Variants in ACOXL observed in about 807,000 individuals in gnomAD.
ACOXL encodes acyl-CoA oxidase like, also known as acyl-coenzyme A oxidase-like protein.
ACOXL carries 70 observed loss-of-function variants against 71.9 expected under a neutral mutation model. That is an observed-to-expected ratio of 0.97 (90% CI 0.80 to 1.19). ACOXL has a LOEUF of 1.19. Ranked by LOEUF, ACOXL falls within the 50% of genes most tolerant of loss-of-function variation. ACOXL has a pLI of 0.00. For missense variants in ACOXL, 703 were observed against 736.3 expected (o/e 0.95, Z 0.52); for synonymous variants, 253 against 281.6 (o/e 0.90, Z 1.02).
chr2:110,815,253 A>C (rs1270429473), intron 9 of ACOXL, among the ~76,000 whole-genome samples: 1 of 152,182 alleles, frequency 6.6e-6, no homozygotes, highest in African/African-American at 2.4e-5. Flanking sequence ...ATTACTTCCC[A>C]ATGTGTCCCT....
intron 1 of ACOXL, among the ~76,000 whole-genome samples, chr2:110,762,724 C>T (rs764585241): frequency 4.6e-5 from 7 of 152,052 alleles, no homozygotes; most frequent in Non-Finnish European, 8.8e-5. Flanking sequence ...GGTGTGATCT[C>T]GCCTCACTGC....
intron 10 of ACOXL, chr2:110,886,708 A>C (rs1268853498): frequency 6.5e-7 from 1 of 1,540,248 alleles, no homozygotes; most frequent in Non-Finnish European, 8.8e-7. Context: ...GCCAAGTTTC[A>C]CCCTTTGACT....
At chr2:110,971,840 A>G (rs1162283358) in intron 12 of ACOXL, among the ~76,000 whole-genome samples, 1 of 152,252 alleles carries the variant, frequency 6.6e-6, no homozygotes, top group Non-Finnish European at 1.5e-5. Flanking sequence ...TCAGTAATTC[A>G]GACATTACAT....
At chr2:111,078,906 C>T (rs1460837306) in intron 16 of ACOXL, among the ~76,000 whole-genome samples, 2 of 152,154 alleles carry the variant, frequency 1.3e-5, no homozygotes, top group Non-Finnish European at 2.9e-5. Context: ...TTTCAATGCA[C>T]CTTCTGTTGA....
At chr2:111,076,319 C>T (rs2067598436) in intron 16 of ACOXL, among the ~76,000 whole-genome samples, 1 of 152,110 alleles carries the variant, frequency 6.6e-6, no homozygotes, top group Admixed American at 6.6e-5. Flanking sequence ...CTTCTTGTTT[C>T]ATTAGCCTTT....
At chr2:110,836,064 C>G (rs1454446755) in intron 9 of ACOXL, among the ~76,000 whole-genome samples, 1 of 152,210 alleles carries the variant, frequency 6.6e-6, no homozygotes, top group African/African-American at 2.4e-5. Flanking sequence ...GCAGAAGTAG[C>G]AAGTACCTAA....
intron 13 of ACOXL, among the ~76,000 whole-genome samples, chr2:110,988,833 G>C (rs1439399603): frequency 1.4e-5 from 2 of 144,692 alleles, no homozygotes; most frequent in African/African-American, 5.1e-5. Context: ...TAAAATGCCT[G>C]TTCATGTTTT....
At chr2:111,043,718 G>A (rs746993071) in intron 15 of ACOXL, among the ~76,000 whole-genome samples, 10 of 152,150 alleles carry the variant, frequency 6.6e-5, no homozygotes, top group African/African-American at 1.2e-4. Flanking sequence ...AAGGGAGGTC[G>A]CTGCCTCTAG....
intron 9 of ACOXL, among the ~76,000 whole-genome samples, chr2:110,809,718 C>T (rs1687084443): frequency 6.6e-6 from 1 of 152,108 alleles, no homozygotes; most frequent in South Asian, 2.1e-4. Context: ...CTTTTGTGAC[C>T]TTCTGACTGC....
intron 1 of ACOXL, among the ~76,000 whole-genome samples, chr2:110,768,056 C>T (rs941566167): frequency 1.2e-4 from 19 of 152,136 alleles, no homozygotes; most frequent in South Asian, 6.2e-4. Context: ...CGCTTGAACC[C>T]GGGAGGCGGA....
chr2:110,742,354 A>C (rs1201358096), intron 1 of ACOXL, among the ~76,000 whole-genome samples: 3 of 152,200 alleles, frequency 2.0e-5, no homozygotes, highest in Non-Finnish European at 4.4e-5. Flanking sequence ...CTCAACCTTA[A>C]ATGAATAATT....
chr2:111,043,420 GA>G (rs1319327449), intron 15 of ACOXL, among the ~76,000 whole-genome samples: 6 of 152,170 alleles, frequency 3.9e-5, no homozygotes, highest in Non-Finnish European at 5.9e-5. Context: ...GTTGTGTTAT[GA>G]AAAAGAGGTG....
intron 16 of ACOXL, among the ~76,000 whole-genome samples, chr2:111,051,478 T>A (rs1335412785): frequency 6.6e-6 from 1 of 152,172 alleles, no homozygotes; most frequent in African/African-American, 2.4e-5. Flanking sequence ...ATATGATATA[T>A]ATTTTTTTGA....
At chr2:110,801,040 C>T (rs1018643315) in intron 7 of ACOXL, among the ~76,000 whole-genome samples, 3 of 152,182 alleles carry the variant, frequency 2.0e-5, no homozygotes, top group Non-Finnish European at 2.9e-5. Flanking sequence ...TTAAATCTCT[C>T]TAAGTTTTCA....
intron 17 of ACOXL, chr2:111,099,505 G>C (rs1454947537): frequency 6.6e-6 from 1 of 152,222 alleles, no homozygotes; most frequent in Non-Finnish European, 1.5e-5. Context: ...TGCTGTCCTA[G>C]TGTCTCCCTA....
chr2:111,053,700 C>T (rs1469987383), intron 16 of ACOXL, among the ~76,000 whole-genome samples: 1 of 152,212 alleles, frequency 6.6e-6, no homozygotes, highest in Non-Finnish European at 1.5e-5. Context: ...TAAATGATCA[C>T]ACCTCCTCAT....
chr2:110,917,842 T>A (rs1362049406), intron 11 of ACOXL, among the ~76,000 whole-genome samples: 1 of 152,162 alleles, frequency 6.6e-6, no homozygotes. Context: ...GAATCCAACT[T>A]ACAAGGGATG....
At chr2:111,052,650 C>T (rs772905511) in intron 16 of ACOXL, among the ~76,000 whole-genome samples, 2 of 152,196 alleles carry the variant, frequency 1.3e-5, no homozygotes, top group Non-Finnish European at 2.9e-5. Context: ...ACCCTGTTCG[C>T]GTTTGATCTC....
At chr2:110,886,167 TGTATA>T (rs905659214) in intron 10 of ACOXL, among the ~76,000 whole-genome samples, 16 of 152,352 alleles carry the variant, frequency 1.1e-4, no homozygotes, top group African/African-American at 3.8e-4. Flanking sequence ...CCTGGTAGGA[TGTATA>T]ATATAGGGAG....
Sources: gnomAD v4.1 joint callset for allele counts (sites outside exome capture counted in the v4.1 genomes callset) on GRCh38, gnomAD v4.1.1 for gene constraint, MANE v1.5 for transcripts, NCBI Gene and HGNC (gene_info 2026-07-23, HGNC 2026-07-21) for gene names.